Variants in GSG1L2 observed in about 807,000 individuals in gnomAD.
GSG1L2 encodes the protein GSG1 like 2, also known as germ cell-specific gene 1-like protein 2.
In GSG1L2, 15 loss-of-function variants were observed where a neutral mutation model predicts 9.0. That is an observed-to-expected ratio of 1.67 (90% CI 1.12 to 2.57). GSG1L2 has a LOEUF of 2.57. Among genes scored for constraint, GSG1L2 ranks in the 30% most tolerant of loss-of-function variants. GSG1L2 has a pLI of 0.00. For synonymous variants in GSG1L2, 127 were observed against 57.9 expected (o/e 2.19, Z -5.41); for missense variants, 286 against 150.3 (o/e 1.90, Z -4.72).
chr17:9,804,927 TG>T (rs1257489763), intron 4 of GSG1L2: 11 of 152,196 alleles, frequency 7.2e-5, no homozygotes, highest in African/African-American at 2.6e-4. Context: ...GAAAAGAAGA[TG>T]CTGTATCAAT....
intron 1 of GSG1L2, among the ~76,000 whole-genome samples, chr17:9,816,465 C>T (rs1437440606): frequency 1.2e-4 from 8 of 69,470 alleles, no homozygotes; most frequent in Non-Finnish European, 1.8e-4. Flanking sequence ...TGTGTGCGTC[C>T]GTGTGCGTGT....
chr17:9,803,835 G>C (rs920185554), intron 4 of GSG1L2: 6 of 152,192 alleles, frequency 3.9e-5, no homozygotes, highest in Non-Finnish European at 8.8e-5. Context: ...CTACCATTTA[G>C]AAAGTGGGAC....
intron 1 of GSG1L2, among the ~76,000 whole-genome samples, chr17:9,817,898 T>G (rs898932847): frequency 6.6e-6 from 1 of 152,126 alleles, no homozygotes; most frequent in African/African-American, 2.4e-5. Context: ...TGCATTCTGA[T>G]GCAAATACCT....
intron 1 of GSG1L2, among the ~76,000 whole-genome samples, chr17:9,812,856 G>T (rs890595182): frequency 2.0e-5 from 3 of 152,138 alleles, no homozygotes; most frequent in Admixed American, 1.3e-4. Flanking sequence ...GCCCACCTCA[G>T]CCTCCCAAAG....
intron 1 of GSG1L2, among the ~76,000 whole-genome samples, chr17:9,815,026 A>T (rs57557588): frequency 0.072 from 10,965 of 152,222 alleles, 1,325 homozygotes; most frequent in African/African-American, 0.25. Flanking sequence ...CCCTTTAAAG[A>T]CATCCTAGGC....
intron 1 of GSG1L2, among the ~76,000 whole-genome samples, chr17:9,819,934 A>C (rs1302519333): frequency 6.6e-6 from 1 of 151,902 alleles, no homozygotes; most frequent in African/African-American, 2.4e-5. Context: ...TCTTTAAAAA[A>C]AAATTTTGGC....
intron 1 of GSG1L2, among the ~76,000 whole-genome samples, chr17:9,812,765 C>T (rs9913476): frequency 0.26 from 39,634 of 151,900 alleles, 5,813 homozygotes; most frequent in Non-Finnish European, 0.34. Flanking sequence ...GGACTAGAGG[C>T]GCACGCCACC....
chr17:9,805,233 C>G (rs2066512251), intron 4 of GSG1L2, among the ~76,000 whole-genome samples: 1 of 152,044 alleles, frequency 6.6e-6, no homozygotes, highest in Non-Finnish European at 1.5e-5. Flanking sequence ...CACCATAATT[C>G]CAGGACATGA....
At chr17:9,804,311 C>T (rs1273100553) in intron 4 of GSG1L2, 3 of 152,256 alleles carry the variant, frequency 2.0e-5, no homozygotes, top group Non-Finnish European at 4.4e-5. Context: ...GCCCTTTCCC[C>T]AGTCTCCTCC....
At position 9,822,018 on chromosome 17, in the gene GSG1L2, G is replaced by A. The variant is rs1047311416; in HGVS notation, c.54C>T (p.Ala18=). ...QALLLLPVCL[A]LTFSLTAVVS... ...CCACGGCGGTGAGGGAGAAGGTGAG[G>A]GCGAGGCAGACAGGGAGGAGGAGCA... Residue 18 remains alanine, a synonymous_variant, in exon 1 of 5, where the codon GCC becomes GCT. Coordinates refer to ENST00000399363, the MANE Select transcript of GSG1L2 (RefSeq NM_001310219.2). 5.7e-6 allele frequency: 4 copies of A among 702,980 alleles called. No individual in the cohort carries two copies. Among genetic ancestry groups the A allele is most frequent in the Non-Finnish European group, 1.0e-5 (4 of 385,024 alleles). The allele number at this position is 702,980 out of a possible 1,614,324, so 43.5% of individuals were successfully genotyped here.
At chr17:9,805,643 A>G (rs1050181116) in intron 4 of GSG1L2, 1 of 152,204 alleles carries the variant, frequency 6.6e-6, no homozygotes, top group Admixed American at 6.5e-5. Context: ...ACTAAAGAAG[A>G]TAATTCAATG....
chr17:9,808,991 G>A lies in GSG1L2; in HGVS notation c.359-9C>T. 1 of 702,990 alleles carries A rather than the reference G, an allele frequency of 1.4e-6. No homozygotes were observed. Among genetic ancestry groups the A allele is most frequent in the South Asian group, 1.5e-5 (1 of 67,586 alleles). The allele number at this position is 702,990 out of a possible 1,614,324, so 43.5% of individuals were successfully genotyped here. On this transcript the variant is annotated splice_polypyrimidine_tract_variant and intron_variant, in intron 2 of 4. Coordinates refer to ENST00000399363, the MANE Select transcript of GSG1L2 (RefSeq NM_001310219.2). ...GGACAGCCACAAAACACCTGCCAAA[G>A]AACGGGATGTTGGAAACGCTGGACA...
At chr17:9,815,502 A>C (rs1224538300) in intron 1 of GSG1L2, among the ~76,000 whole-genome samples, 2 of 152,166 alleles carry the variant, frequency 1.3e-5, no homozygotes, top group Non-Finnish European at 2.9e-5. Flanking sequence ...TGCTCCATAA[A>C]TTTGGGGGAA....
chr17:9,804,546 T>A (rs1354314618), intron 4 of GSG1L2: 2 of 152,236 alleles, frequency 1.3e-5, no homozygotes, highest in Non-Finnish European at 2.9e-5. Flanking sequence ...CAGCCAGGCA[T>A]GTGAGCTTAC....
At chr17:9,814,224 G>A (rs959954435) in intron 1 of GSG1L2, among the ~76,000 whole-genome samples, 1 of 152,208 alleles carries the variant, frequency 6.6e-6, no homozygotes, top group Non-Finnish European at 1.5e-5. Context: ...GTGAGACACC[G>A]CGCCTGGCCT....
chr17:9,811,274 C>T (rs1040471879), intron 1 of GSG1L2, among the ~76,000 whole-genome samples: 11 of 152,172 alleles, frequency 7.2e-5, no homozygotes, highest in Non-Finnish European at 1.0e-4. Flanking sequence ...AGGTGAGTCA[C>T]GCATTCGCTT....
chr17:9,812,291 C>T (rs62066018), intron 1 of GSG1L2, among the ~76,000 whole-genome samples: 19,663 of 151,858 alleles, frequency 0.13, 1,393 homozygotes, highest in East Asian at 0.18. Context: ...GGAGAGAAAA[C>T]CCCAAGTAAT....
rs76729690 is a variant in GSG1L2 at position 9,817,352 on chromosome 17, C to G, written c.310+4410G>C. ...TGGTCTAATTTTCCAACTCTGTCTT[C>G]AAGTTCAGGTTCTACTCTGGCCCTA... is the stretch of plus-strand genomic sequence containing the variant. On this transcript the variant is annotated intron_variant, in intron 1 of 4. Coordinates refer to ENST00000399363, the MANE Select transcript of GSG1L2 (RefSeq NM_001310219.2). Among the ~76,000 whole-genome samples, 21 of 151,954 alleles carry G rather than the reference C, an allele frequency of 1.4e-4. No individual in the cohort carries two copies. In the East Asian group the frequency reaches 3.9e-3, roughly 28 times the overall value.
rs1274584768 is a variant in GSG1L2, at chr17:9,802,431, A to G, written c.837T>C (p.Ser279=). 8.6e-6 allele frequency: 6 copies of G among 697,328 alleles called. No homozygotes were observed. In the East Asian group the frequency reaches 1.6e-4, roughly 19 times the overall value. 43.2% of individuals were successfully genotyped at this position (697,328 alleles called of 1,614,324 possible). ...CPAEQAFRNV[S]GHLPPGAPGK... is the part of the protein sequence containing the mutation. ...CTGGGGCGCCTGGTGGGAGGTGTCC[A>G]GAAACATTCCTGAAGGCTTGTTCAG... Residue 279 remains serine (S), a synonymous_variant, in exon 5 of 5, where the codon TCT becomes TCC. Coordinates refer to ENST00000399363, the MANE Select transcript of GSG1L2 (RefSeq NM_001310219.2).
Sources: gnomAD v4.1 joint callset for allele counts (sites outside exome capture counted in the v4.1 genomes callset) on GRCh38, gnomAD v4.1.1 for gene constraint, MANE v1.5 for transcripts, NCBI Gene and HGNC (gene_info 2026-07-23, HGNC 2026-07-21) for gene names.